The following OTOG variants were observed in gnomAD, a reference collection of about 807,000 sequenced individuals.
OTOG encodes the protein otogelin.
OTOG carries 296 observed loss-of-function variants against 313.8 expected under a neutral mutation model. The observed-to-expected ratio is 0.94, with a 90% confidence interval of 0.86 to 1.04. The LOEUF (loss-of-function observed/expected upper bound fraction) is 1.04. Ranked by LOEUF, OTOG falls within the 50% of genes least tolerant of loss-of-function variation. OTOG has a pLI of 0.00. For missense variants in OTOG, 3,948 were observed against 3,840.1 expected (o/e 1.03, Z -0.74); for synonymous variants, 1,533 against 1,554.9 (o/e 0.99, Z 0.33).
At chr11:17,596,501 C>T (rs1853112533) in intron 29 of OTOG, among the ~76,000 whole-genome samples, 2 of 152,228 alleles carry the variant, frequency 1.3e-5, no homozygotes, top group Non-Finnish European at 2.9e-5. Context: ...GAGGCTGGGG[C>T]TCAGCACTGC....
intron 53 of OTOG, 54 bp downstream of exon 53, chr11:17,642,300 C>T (rs1847993671): frequency 6.6e-7 from 1 of 1,509,142 alleles, no homozygotes; most frequent in Non-Finnish European, 8.9e-7. Context: ...AGCTGTCTCA[C>T]TGGTGGTGGG....
intron 39 of OTOG, among the ~76,000 whole-genome samples, chr11:17,618,442 A>C (rs1335890629): frequency 4.6e-5 from 7 of 152,212 alleles, no homozygotes; most frequent in African/African-American, 1.7e-4. Context: ...TGTTCATAAG[A>C]CATAATTTGT....
chr11:17,586,850 A>T (rs988339646), intron 24 of OTOG, among the ~76,000 whole-genome samples: 3 of 152,252 alleles, frequency 2.0e-5, no homozygotes, highest in Admixed American at 2.0e-4. Context: ...ATTTGTTTGC[A>T]TATTTATATG....
chr11:17,612,732 C>T lies in OTOG; in HGVS notation c.6405C>T (p.Thr2135=), dbSNP rs187255209. ...ILSQSPDEML[T]VHVLDCKSAN... is the part of the protein sequence containing the mutation. Reference sequence around the variant, plus strand: ...GCCAGAGCCCAGATGAAATGCTCACCGTCCATGTACTGGACTGCAAAAGTG... The same window carrying T: ...GCCAGAGCCCAGATGAAATGCTCACTGTCCATGTACTGGACTGCAAAAGTG... Residue 2135 remains threonine, a synonymous_variant, in exon 38 of 56, where the codon ACC becomes ACT. Transcript: ENST00000399397. 9.3e-5 allele frequency: 144 copies of T among 1,550,596 alleles called. 1 individual carries two copies. In the East Asian group the frequency reaches 1.2e-3, roughly 13 times the overall value.
At position 17,632,235 on chromosome 11, in the gene OTOG, G is replaced by T; in HGVS notation, c.7072+9G>T. On this transcript the variant is annotated intron_variant, in intron 42 of 55. Transcript: ENST00000399397. ...GCGCTCTGACTACTGCCGTGAGTTT[G>T]CGGGGCAGGGGGACCCTCCATTGTG... The T allele has an allele frequency of 1.9e-6, 3 of 1,547,860 alleles. No homozygotes were observed. In the South Asian group the frequency reaches 3.6e-5, roughly 18 times the overall value.
At chr11:17,585,357 C>G (rs1392217056) in intron 23 of OTOG, among the ~76,000 whole-genome samples, 1 of 152,182 alleles carries the variant, frequency 6.6e-6, no homozygotes, top group Non-Finnish European at 1.5e-5. Context: ...AATATCTCCT[C>G]TTTGTTCCAG....
chr11:17,578,136 A>G (rs536637091), intron 22 of OTOG: 3 of 683,806 alleles, frequency 4.4e-6, no homozygotes, highest in Admixed American at 4.2e-5. Context: ...GTAGTCTGGT[A>G]TGGAGGACGT....
chr11:17,570,192 C>T (rs1310024036), intron 16 of OTOG, 21 bp from the exon 17 acceptor site: 1 of 1,548,544 alleles, frequency 6.5e-7, no homozygotes, highest in South Asian at 1.2e-5. Context: ...CCCACTCTCT[C>T]CTTTTGGATT....
intron 39 of OTOG, among the ~76,000 whole-genome samples, chr11:17,623,593 T>G (rs1449481335): frequency 6.6e-6 from 1 of 152,196 alleles, no homozygotes; most frequent in Non-Finnish European, 1.5e-5. Context: ...TTGTGAGTAG[T>G]GCTACCATGA....
At chr11:17,643,991 G>A (rs1848024600) in intron 54 of OTOG, among the ~76,000 whole-genome samples, 1 of 152,238 alleles carries the variant, frequency 6.6e-6, no homozygotes, top group Non-Finnish European at 1.5e-5. Context: ...CCTCTCGGAA[G>A]CCCACTGCAC....
Position 17,631,832 on chromosome 11 carries a change from C to G in OTOG, c.6843C>G (p.Thr2281=). The part of the protein sequence containing the change: ...VPSSLTSVGQ[T]RFRPDSCATT... Reference sequence around the variant, plus strand: ...GCTCCCTGACCTCAGTGGGCCAGACCCGCTTCCGCCCAGACAGCTGCGCCA... The same window carrying G: ...GCTCCCTGACCTCAGTGGGCCAGACGCGCTTCCGCCCAGACAGCTGCGCCA... Residue 2281 remains threonine, a synonymous_variant, in exon 41 of 56, where the codon ACC becomes ACG. Coordinates refer to ENST00000399397, the MANE Select transcript of OTOG (RefSeq NM_001292063.2). 5.2e-6 allele frequency: 8 copies of G among 1,550,626 alleles called. No homozygotes were observed. The highest frequency in any genetic ancestry group is 6.1e-6 in the Non-Finnish European group (7 of 1,147,008).
intron 24 of OTOG, among the ~76,000 whole-genome samples, chr11:17,589,945 C>G (rs1177662736): frequency 2.6e-5 from 4 of 152,128 alleles, no homozygotes; most frequent in Admixed American, 2.0e-4. Context: ...GGGACACCAC[C>G]TCCTCTTGCT....
At position 17,642,156 on chromosome 11, in the gene OTOG, C is replaced by T. The variant is rs1847990242; in HGVS notation, c.8325C>T (p.Ala2775=). Residue 2775 remains alanine, a synonymous_variant, in exon 53 of 56, where the codon GCC becomes GCT. Transcript: ENST00000399397. ...LPGASWIADC[A]RHHCSSTPLG... ...GGGCATCCTGGATCGCAGACTGCGCCCGCCACCACTGCAGCAGCACGCCCC... is the reference window on the plus strand; with the variant it reads ...GGGCATCCTGGATCGCAGACTGCGCTCGCCACCACTGCAGCAGCACGCCCC... 1.3e-6 allele frequency: 2 copies of T among 1,549,590 alleles called. No homozygotes were observed. The highest frequency in any genetic ancestry group is 2.4e-5 in the South Asian group (2 of 83,938).
chr11:17,559,714 A>G lies in OTOG; in HGVS notation c.1342+52A>G, dbSNP rs1852137567. The G allele has an allele frequency of 2.2e-6, 3 of 1,365,844 alleles. No homozygotes were observed. The South Asian group carries it at 3.7e-5, about 17-fold the overall frequency. 84.6% of individuals were successfully genotyped at this position (1,365,844 alleles called of 1,614,324 possible). ...TGGCACCATCTTCCTGGCCTGGCAC[A>G]GATGGCCACGAAACAGGAGTTCAGA... On this transcript the variant is annotated intron_variant, in intron 12 of 55. Coordinates refer to ENST00000399397, the MANE Select transcript of OTOG (RefSeq NM_001292063.2).
chr11:17,559,226 G>A, intron 11 of OTOG, 65 bp downstream of exon 11: 2 of 1,214,390 alleles, frequency 1.6e-6, no homozygotes, highest in Admixed American at 2.2e-5. Context: ...TCAGGCCTCA[G>A]CTCAATGTCT....
Position 17,594,304 on chromosome 11 carries a change from C to T in OTOG, c.3408+138C>T. The stretch of plus-strand genomic sequence containing the variant: ...ATGTTCTCTCAGCCTCTGACTGCAT[C>T]CCTAGCCCTAGACTCTGTCCTATGG... On this transcript the variant is annotated intron_variant, in intron 28 of 55. Coordinates refer to ENST00000399397, the MANE Select transcript of OTOG (RefSeq NM_001292063.2). The T allele has an allele frequency of 3.5e-6, 4 of 1,138,518 alleles. No individual in the cohort carries two copies. The South Asian group carries it at 4.6e-5, about 13-fold the overall frequency. The allele number at this position is 1,138,518 out of a possible 1,614,324, so 70.5% of individuals were successfully genotyped here. A position where few individuals can be genotyped will look rare whatever the true frequency, so the allele number is the denominator to read the frequency against.
chr11:17,632,087 G>C lies in OTOG; in HGVS notation c.6934-1G>C. ...CAGCACTGCCTGATGCATATGTCCAGGTGCCTCCGGAGTCATTCTGTGAGC... is the reference window on the plus strand; with the variant it reads ...CAGCACTGCCTGATGCATATGTCCACGTGCCTCCGGAGTCATTCTGTGAGC... On this transcript the variant is annotated splice_acceptor_variant, in intron 41 of 55. Coordinates refer to ENST00000399397, the MANE Select transcript of OTOG (RefSeq NM_001292063.2). LOFTEE classifies it high-confidence loss of function. The C allele has an allele frequency of 1.3e-6, 2 of 1,550,820 alleles. No individual in the cohort carries two copies. The highest frequency in any genetic ancestry group is 1.7e-6 in the Non-Finnish European group (2 of 1,146,928).
In OTOG at chr11:17,594,119, G is replaced by C. The variant is rs1275721235; in HGVS notation, c.3361G>C (p.Glu1121Gln). The change falls in exon 28 of 56, where the codon GAG (glutamate) becomes CAG (glutamine). Residue 1121 changes from glutamate to glutamine, a missense_variant. By Grantham distance (29) the Glu-to-Gln change is conservative. Transcript: ENST00000399397. ...INEMRTPENL[E>Q]LTNPQEFGSS... ...TGAGATGAGGACCCCGGAGAACCTA[G>C]AGCTAACTAACCCCCAGGAGTTTGG... 25 of 1,550,476 alleles carry C rather than the reference G, an allele frequency of 1.6e-5. No homozygotes were observed. The highest frequency in any genetic ancestry group is 2.7e-5 in the African/African-American group (2 of 73,058).
rs1336077177 is a variant in OTOG at position 17,638,450 on chromosome 11, G to A, written c.7796-1G>A. On this transcript the variant is annotated splice_acceptor_variant, in intron 47 of 55. Coordinates refer to ENST00000399397, the MANE Select transcript of OTOG (RefSeq NM_001292063.2). LOFTEE classifies it high-confidence loss of function. ...TGTCAACTGCCTCTCCTTCCCCACA[G>A]TGTGTGAGAACTTCCGCTGTCCCCA... 1 of 1,546,994 alleles carries A rather than the reference G, an allele frequency of 6.5e-7. No individual in the cohort carries two copies. Among genetic ancestry groups the A allele is most frequent in the South Asian group, 1.2e-5 (1 of 83,826 alleles).
Sources: gnomAD v4.1 joint callset for allele counts (sites outside exome capture counted in the v4.1 genomes callset) on GRCh38, gnomAD v4.1.1 for gene constraint, MANE v1.5 for transcripts, NCBI Gene and HGNC (gene_info 2026-07-23, HGNC 2026-07-21) for gene names.